The following PAX8 variants were observed in gnomAD, a reference collection of about 807,000 sequenced individuals.
PAX8 encodes the protein paired box 8, also known as paired box protein Pax-8.
In PAX8, 15 loss-of-function variants were observed where a neutral mutation model predicts 52.4. The ratio of observed to expected loss-of-function variants is 0.29; its 90% CI spans 0.19 to 0.44. PAX8 has a LOEUF of 0.44. Ranked by LOEUF, PAX8 falls within the 20% of genes least tolerant of loss-of-function variation. PAX8 has a pLI of 1.00. For missense variants in PAX8, 554 were observed against 602.5 expected (o/e 0.92, Z 0.84); for synonymous variants, 284 against 249.7 (o/e 1.14, Z -1.29).
At chr2:113,256,726 G>T (rs1251893480) in intron 2 of PAX8, among the ~76,000 whole-genome samples, 12 of 151,668 alleles carry the variant, frequency 7.9e-5, no homozygotes, top group African/African-American at 2.9e-4. Context: ...CTGATGAGTG[G>T]GTGAGGTTCA....
chr2:113,278,847 AGG>A lies in PAX8; in HGVS notation c.-94_-93del, dbSNP rs551689712. 9.4e-7 allele frequency: 1 copy of A among 1,067,872 alleles called. No homozygotes were observed. The highest frequency in any genetic ancestry group is 1.1e-6 in the Non-Finnish European group (1 of 879,966). The allele number at this position is 1,067,872 out of a possible 1,614,324, so 66.1% of individuals were successfully genotyped here. On this transcript the variant is annotated 5_prime_UTR_variant, in exon 1 of 12. Transcript: ENST00000429538. ...GTGACATACCTGGCCGGCCGGCTGC[AGG>A]CCCTCACTGCTTGGGTCCGCCCGCG...
At chr2:113,242,902 G>C in intron 4 of PAX8, 124 bp from the exon 5 acceptor site, 1 of 733,084 alleles carries the variant, frequency 1.4e-6, no homozygotes, top group Non-Finnish European at 2.5e-6. Context: ...AAACTCAACT[G>C]TCCACAGTCA....
intron 2 of PAX8, chr2:113,275,036 T>C (rs1157584480): frequency 6.6e-6 from 1 of 152,234 alleles, no homozygotes; most frequent in African/African-American, 2.4e-5. Flanking sequence ...TGATTTTTTA[T>C]TTGGTTTCCT....
intron 2 of PAX8, among the ~76,000 whole-genome samples, chr2:113,260,444 A>G (rs1390164911): frequency 6.6e-6 from 1 of 151,940 alleles, no homozygotes; most frequent in Non-Finnish European, 1.5e-5. Context: ...CAAAGTTATA[A>G]TACTATAAAT....
At chr2:113,256,628 ATATGTGTGTGTG>A (rs1160035404) in intron 2 of PAX8, among the ~76,000 whole-genome samples, 1 of 130,298 alleles carries the variant, frequency 7.7e-6, no homozygotes, top group East Asian at 2.5e-4. Context: ...ATATATATAT[ATATGTGTGTGTG>A]TGTGTGTGTG....
chr2:113,226,780 A>T, intron 10 of PAX8: 1 of 1,197,862 alleles, frequency 8.3e-7, no homozygotes, highest in Non-Finnish European at 1.1e-6. Context: ...GCTTGAGGGT[A>T]GGGTTCATCT....
rs991888456 is a variant in PAX8 at position 113,241,403 on chromosome 2, T to C, written c.777+148A>G. 5 of 769,408 alleles carry C rather than the reference T, an allele frequency of 6.5e-6. No individual in the cohort carries two copies. In the African/African-American group the frequency reaches 6.8e-5, roughly 11 times the overall value. The allele number at this position is 769,408 out of a possible 1,614,324, so 47.7% of individuals were successfully genotyped here. On this transcript the variant is annotated intron_variant, in intron 7 of 11. Coordinates refer to ENST00000429538, the MANE Select transcript of PAX8 (RefSeq NM_003466.4). ...CCAGGGCATCTGGTAAAATAAAGCA[T>C]GTGTCAGGCTTGGAGTTGCATAAGG...
chr2:113,236,854 T>C, intron 7 of PAX8, 133 bp from the exon 8 acceptor site: 1 of 1,041,958 alleles, frequency 9.6e-7, no homozygotes, highest in South Asian at 1.7e-5. Context: ...CCTTCTTCCT[T>C]TACGTTCTCA....
At chr2:113,260,994 A>T (rs1692637370) in intron 2 of PAX8, among the ~76,000 whole-genome samples, 2 of 152,084 alleles carry the variant, frequency 1.3e-5, no homozygotes, top group Admixed American at 1.3e-4. Context: ...GTAAGAACAA[A>T]TGAAGGGGAA....
intron 2 of PAX8, among the ~76,000 whole-genome samples, chr2:113,260,849 C>A (rs554540464): frequency 6.6e-6 from 1 of 150,594 alleles, no homozygotes; most frequent in Non-Finnish European, 1.5e-5. Flanking sequence ...AATTAGGGCA[C>A]GTTTAGAGAG....
chr2:113,226,764 A>G (rs2104430954), intron 10 of PAX8: 1 of 1,181,930 alleles, frequency 8.5e-7, no homozygotes, highest in Middle Eastern at 3.6e-4. Context: ...CTGGGAGACC[A>G]GCACTGCTTG....
chr2:113,272,988 C>A (rs1220971851), intron 2 of PAX8: 5 of 152,206 alleles, frequency 3.3e-5, no homozygotes, highest in South Asian at 2.1e-4. Context: ...CCCCTGCCCC[C>A]ACTTTTTAAA....
rs762455529 is a variant in PAX8 at position 113,235,486 on chromosome 2, A to G, written c.995T>C (p.Leu332Pro). Residue 332 changes from leucine to proline, a missense_variant, in exon 9 of 12, where the codon CTG becomes CCG. Transcript: ENST00000429538. ...CGGGACCCCGGAGCCGACTTGCTGC[A>G]GATCCAAAAAGGCGGAGCTAGATAA... ...SSLSSSAFLDLQQVGSGVPPF... is the reference protein window; with the variant it reads ...SSLSSSAFLDPQQVGSGVPPF... 1.7e-5 allele frequency: 27 copies of G among 1,613,742 alleles called. 1 individual carries two copies. In the South Asian group the frequency reaches 2.4e-4, roughly 14 times the overall value.
rs1336411411 is a variant in PAX8 at position 113,246,788 on chromosome 2, C to T, written c.157G>A (p.Val53Ile). The change falls in exon 3 of 12, where the codon GTC (valine) becomes ATC (isoleucine). Residue 53 changes from valine (V) to isoleucine (I), a missense_variant. Val to Ile is a conservative substitution (Grantham distance 29, BLOSUM62 3). Transcript: ENST00000429538. ...RPCDISRQLR[V>I]SHGCVSKILG... ...ATCTTGCTGACGCAGCCATGGCTGACGCGGAGCTGGCGAGAGATGTCGCAG... is the reference window on the plus strand; with the variant it reads ...ATCTTGCTGACGCAGCCATGGCTGATGCGGAGCTGGCGAGAGATGTCGCAG... 15 of 1,613,742 alleles carry T rather than the reference C, an allele frequency of 9.3e-6. No individual in the cohort carries two copies. The highest frequency in any genetic ancestry group is 1.2e-5 in the Non-Finnish European group (14 of 1,179,780).
At chr2:113,245,622 A>G (rs57948125) in intron 3 of PAX8, among the ~76,000 whole-genome samples, 4 of 151,828 alleles carry the variant, frequency 2.6e-5, no homozygotes, top group Non-Finnish European at 5.9e-5. Flanking sequence ...CCCTCCCTCT[A>G]TCCTCCAACT....
chr2:113,235,730 G>A (rs897810418), intron 8 of PAX8, 148 bp from the exon 9 acceptor site: 2 of 619,386 alleles, frequency 3.2e-6, no homozygotes, highest in East Asian at 2.9e-5. Flanking sequence ...GGAGAGCCGG[G>A]GCCCACGAGG....
intron 10 of PAX8, among the ~76,000 whole-genome samples, chr2:113,222,033 A>G (rs1200420400): frequency 6.6e-6 from 1 of 152,214 alleles, no homozygotes; most frequent in Non-Finnish European, 1.5e-5. Flanking sequence ...CTAAGAAATA[A>G]TCTACTCTAA....
intron 2 of PAX8, chr2:113,276,455 T>C (rs1046993446): frequency 3.9e-5 from 6 of 152,078 alleles, no homozygotes; most frequent in Non-Finnish European, 8.8e-5. Flanking sequence ...GGAAAAAAAT[T>C]ACCTGGTAGG....
At chr2:113,231,797 C>T (rs1265266144) in intron 9 of PAX8, among the ~76,000 whole-genome samples, 1 of 152,170 alleles carries the variant, frequency 6.6e-6, no homozygotes, top group Non-Finnish European at 1.5e-5. Flanking sequence ...GGCACGATCT[C>T]GGCTCACCGC....
Sources: allele counts gnomAD v4.1 joint callset (sites outside exome capture counted in the v4.1 genomes callset), GRCh38; gene constraint gnomAD v4.1.1; transcripts MANE v1.5; gene names NCBI Gene and HGNC (gene_info 2026-07-23, HGNC 2026-07-21).